Variants in PTPN23 observed in about 807,000 individuals in gnomAD.
The protein encoded by PTPN23 is protein tyrosine phosphatase non-receptor type 23.
In PTPN23, 72 loss-of-function variants were observed where a neutral mutation model predicts 156.3. The ratio of observed to expected loss-of-function variants is 0.46; its 90% confidence interval spans 0.38 to 0.56. PTPN23 has a LOEUF of 0.56. PTPN23 is among the 20% of genes least tolerant of loss of function. The pLI, the probability that PTPN23 is intolerant of heterozygous loss-of-function variation, is 0.00. For synonymous variants in PTPN23, 957 were observed against 899.6 expected (o/e 1.06, Z -1.14); for missense variants, 1,974 against 2,171.5 (o/e 0.91, Z 1.81).
intron 19 of PTPN23, 22 bp downstream of exon 19, chr3:47,409,856 TGGTGCGGCTCGGGTCCAGACAGGCTGG>T: frequency 6.2e-7 from 1 of 1,605,084 alleles, no homozygotes; most frequent in East Asian, 2.2e-5. Context: ...CCTGGGGCTG[TGGTGCGGCTCGGGTCCAGACAGGCTGG>T]GGTGATGGGA....
At position 47,406,887 on chromosome 3, in the gene PTPN23, T is replaced by A. The variant is rs1370410126; in HGVS notation, c.807+137T>A. On this transcript the variant is annotated intron_variant, in intron 9 of 24. Coordinates refer to ENST00000265562, the MANE Select transcript of PTPN23 (RefSeq NM_015466.4). This position sits in a 1 kb window ranked among gnomAD's most constrained non-coding sequence, Gnocchi z 5.8. ...ATCACCCTGCTGGAGGCCTGGTGTC[T>A]TAAGTGTTGTCCCATCTGTGCAGCC... is the stretch of plus-strand genomic sequence containing the variant. 1 of 1,260,188 alleles carries A rather than the reference T, an allele frequency of 7.9e-7. No homozygotes were observed. The highest frequency in any genetic ancestry group is 2.1e-5 in the Admixed American group (1 of 48,392). 78.1% of individuals were successfully genotyped at this position (1,260,188 alleles called of 1,614,324 possible). A position where few individuals can be genotyped will look rare whatever the true frequency, so the allele number is the denominator to read the frequency against.
rs762681568 is a variant in PTPN23, at chr3:47,412,354, G to T, written c.4250G>T (p.Gly1417Val). 8 of 1,613,282 alleles carry T rather than the reference G, an allele frequency of 5.0e-6. No homozygotes were observed. The highest frequency in any genetic ancestry group is 6.8e-6 in the Non-Finnish European group (8 of 1,180,030). Residue 1417 changes from glycine to valine, a missense_variant, in exon 23 of 25, where the codon GGA (glycine) becomes GTA (valine). Physicochemically the swap from Gly to Val is moderately radical, Grantham distance 109. Coordinates refer to ENST00000265562, the MANE Select transcript of PTPN23 (RefSeq NM_015466.4). The part of the protein sequence containing the change: ...AAVQEVEAGN[G>V]IPELPQLVRR... ...GTGCAGGAGGTGGAGGCTGGGAACG[G>T]AATCCCTGAGCTGCCTCAGCTGGTG...
At chr3:47,397,143 C>T (rs1704895944) in intron 2 of PTPN23, among the ~76,000 whole-genome samples, 1 of 152,114 alleles carries the variant, frequency 6.6e-6, no homozygotes, top group Non-Finnish European at 1.5e-5. Context: ...TCTATGGGTG[C>T]AATTCATGGC....
At chr3:47,399,020 G>A (rs1206622333) in intron 2 of PTPN23, among the ~76,000 whole-genome samples, 1 of 152,226 alleles carries the variant, frequency 6.6e-6, no homozygotes, top group Non-Finnish European at 1.5e-5. Context: ...AAATGAAGAA[G>A]GGAAAAGATG....
chr3:47,408,566 C>A lies in PTPN23; in HGVS notation c.1330+76C>A. 3 of 1,544,122 alleles carry A rather than the reference C, an allele frequency of 1.9e-6. No homozygotes were observed. In the South Asian group the frequency reaches 3.7e-5, roughly 19 times the overall value. On this transcript the variant is annotated intron_variant, in intron 15 of 24. Transcript: ENST00000265562. The stretch of plus-strand genomic sequence containing the variant: ...CTGTGGCCTCCTCCGTGTCCCTGGT[C>A]ACTGAGGATGGAGGCTGCACCCCTC...
At position 47,407,728 on chromosome 3, in the gene PTPN23, C is replaced by T; in HGVS notation, c.1035C>T (p.Asn345=). The change falls in exon 13 of 25, where the codon AAC becomes AAT. Residue 345 remains asparagine (N), a synonymous_variant. Transcript: ENST00000265562. The surrounding 1 kb of genome is among the most constrained non-coding windows in gnomAD (Gnocchi z 4.0). ...GAPLVKPLPV[N]PTDPAVTGPD... ...CCTTGGTGAAGCCCTTGCCAGTGAA[C>T]CCCACAGACCCAGCTGTTACAGGCC... 6.2e-7 allele frequency: 1 copy of T among 1,613,990 alleles called. No homozygotes were observed. Among genetic ancestry groups the T allele is most frequent in the Non-Finnish European group, 8.5e-7 (1 of 1,179,924 alleles).
At chr3:47,396,100 G>A in intron 1 of PTPN23, 43 bp from the exon 2 acceptor site, 2 of 1,542,906 alleles carry the variant, frequency 1.3e-6, no homozygotes, top group Non-Finnish European at 1.8e-6. Flanking sequence ...GGGCAAGGCG[G>A]GGGTCTTCTC....
chr3:47,409,891 G>T (rs373485788), intron 19 of PTPN23, 37 bp from the exon 20 acceptor site: 1 of 1,579,588 alleles, frequency 6.3e-7, no homozygotes, highest in Non-Finnish European at 8.6e-7. Flanking sequence ...TGGGGTGATG[G>T]GAGCCTGGCC....
rs2107713533 is a variant in PTPN23 at position 47,405,076 on chromosome 3, A to G, written c.359A>G (p.Asn120Ser). Residue 120 changes from asparagine (N) to serine (S), a missense_variant, in exon 4 of 25, where the codon AAC becomes AGC. Coordinates refer to ENST00000265562, the MANE Select transcript of PTPN23 (RefSeq NM_015466.4). The surrounding 1 kb of genome is among the most constrained non-coding windows in gnomAD (Gnocchi z 4.7). ...IKYEQACILY[N>S]LGALHSMLGA... ...TACGAGCAGGCCTGTATTCTCTACAACCTTGGTGAGCTGCCTGATCCCTTC... is the reference window on the plus strand; with the variant it reads ...TACGAGCAGGCCTGTATTCTCTACAGCCTTGGTGAGCTGCCTGATCCCTTC... The G allele has an allele frequency of 4.3e-6, 7 of 1,614,000 alleles. No homozygotes were observed. The highest frequency in any genetic ancestry group is 1.1e-5 in the South Asian group (1 of 91,068).
chr3:47,392,052 ATTC>A (rs1202449392), intron 1 of PTPN23, among the ~76,000 whole-genome samples: 1 of 152,064 alleles, frequency 6.6e-6, no homozygotes, highest in African/African-American at 2.4e-5. Flanking sequence ...CACGTGGCTA[ATTC>A]TTGTGCTTTT....
rs202054674 is a variant in PTPN23 at position 47,412,606 on chromosome 3, C to T, written c.4410C>T (p.Ala1470=). 1.2e-6 allele frequency: 2 copies of T among 1,613,490 alleles called. No homozygotes were observed. The highest frequency in any genetic ancestry group is 1.6e-4 in the Middle Eastern group (1 of 6,062). The change falls in exon 24 of 25, where the codon GCC becomes GCT. Residue 1470 remains alanine (A), a synonymous_variant. Coordinates refer to ENST00000265562, the MANE Select transcript of PTPN23 (RefSeq NM_015466.4). ...HGVPPPCKPL[A]SASISQKNHL... Reference sequence around the variant, plus strand: ...TGCCTCCTCCATGCAAACCCTTGGCCAGTGCAAGCATCAGCCAGAAGGTGA... The same window carrying T: ...TGCCTCCTCCATGCAAACCCTTGGCTAGTGCAAGCATCAGCCAGAAGGTGA...
chr3:47,389,892 G>A (rs182477863), intron 1 of PTPN23, among the ~76,000 whole-genome samples: 1 of 145,912 alleles, frequency 6.9e-6, no homozygotes, highest in East Asian at 2.0e-4. Context: ...AGCCAACATG[G>A]CAAAACCCCA....
At chr3:47,404,407 CTTTTTTTTT>C (rs10647488) in intron 2 of PTPN23, among the ~76,000 whole-genome samples, 2 of 140,644 alleles carry the variant, frequency 1.4e-5, no homozygotes, top group Non-Finnish European at 3.1e-5. Context: ...GAATGAGACT[CTTTTTTTTT>C]TTTTTTTTTA....
intron 1 of PTPN23, among the ~76,000 whole-genome samples, chr3:47,385,051 C>A (rs570327440): frequency 1.3e-5 from 2 of 152,178 alleles, no homozygotes; most frequent in African/African-American, 4.8e-5. Context: ...TATGAGCCGC[C>A]ACACCCAGCC....
intron 1 of PTPN23, among the ~76,000 whole-genome samples, chr3:47,389,962 A>C (rs1704736578): frequency 6.6e-6 from 1 of 151,306 alleles, no homozygotes; most frequent in Non-Finnish European, 1.5e-5. Flanking sequence ...AGTCCCAGCT[A>C]CTTGGGAGGC....
At chr3:47,394,041 A>G (rs1028720633) in intron 1 of PTPN23, among the ~76,000 whole-genome samples, 7 of 151,608 alleles carry the variant, frequency 4.6e-5, no homozygotes, top group African/African-American at 1.7e-4. Context: ...ACCATATCCA[A>G]CCTGTTTAAT....
In PTPN23 at chr3:47,412,177, C is replaced by G; in HGVS notation, c.4157C>G (p.Thr1386Arg). 6.2e-7 allele frequency: 1 copy of G among 1,613,210 alleles called. No homozygotes were observed. Among genetic ancestry groups the G allele is most frequent in the Non-Finnish European group, 8.5e-7 (1 of 1,180,038 alleles). Residue 1386 changes from threonine (T) to arginine (R), a missense_variant, in exon 22 of 25, where the codon ACG (threonine) becomes AGG (arginine). Physicochemically the swap from Thr to Arg is moderately conservative, Grantham distance 71. This residue lies in a region of PTPN23 where 484 missense variants were observed against 516.0 expected (regional missense o/e 0.94). Transcript: ENST00000265562. ...TACCTGCATCAGCGGCCGCTGCACA[C>G]GCCCATCATTGTGCACTGCAGGTAG... Reference protein sequence around the residue: ...AHYLHQRPLHTPIIVHCSSGV... With the variant: ...AHYLHQRPLHRPIIVHCSSGV...
intron 2 of PTPN23, 56 bp downstream of exon 2, chr3:47,396,273 G>C: frequency 6.8e-7 from 1 of 1,465,688 alleles, no homozygotes; most frequent in Non-Finnish European, 9.4e-7. Context: ...GTTTGATAGG[G>C]AGATAAAGAA....
intron 1 of PTPN23, among the ~76,000 whole-genome samples, chr3:47,391,787 G>T (rs978477782): frequency 6.6e-6 from 1 of 152,042 alleles, no homozygotes; most frequent in African/African-American, 2.4e-5. Context: ...CTAACCTAAG[G>T]GTGGGCAAAA....
Sources: allele counts gnomAD v4.1 joint callset (sites outside exome capture counted in the v4.1 genomes callset), GRCh38; gene constraint gnomAD v4.1.1; regional missense constraint gnomAD v4.1.1; non-coding constraint Gnocchi (gnomAD v3.1); transcripts MANE v1.5; gene names NCBI Gene and HGNC (gene_info 2026-07-23, HGNC 2026-07-21).